Variants in STRN observed in about 807,000 individuals in gnomAD.
STRN encodes the protein striatin, also known as protein phosphatase 2 regulatory subunit B'''alpha.
A neutral mutation model predicts 96.3 loss-of-function variants in STRN; 53 were observed. The ratio of observed to expected loss-of-function variants is 0.55; its 90% confidence interval spans 0.44 to 0.69. STRN has a LOEUF of 0.69. STRN is among the 30% of genes least tolerant of loss of function. The pLI is 0.00. For synonymous variants in STRN, 428 were observed against 355.9 expected, an observed-to-expected ratio of 1.20 and a Z score of -2.28; for missense variants, 987 against 963.9, an observed-to-expected ratio of 1.02 and a Z score of -0.32.
At chr2:36,850,915 A>T (rs956119382) in intron 16 of STRN, 85 bp downstream of exon 16, 2 of 1,078,010 alleles carry the variant, frequency 1.9e-6, no homozygotes, top group Admixed American at 4.8e-5. Flanking sequence ...CTACGAAACC[A>T]CCAAGAGACA....
chr2:36,897,628 A>G (rs1365436459), intron 6 of STRN, among the ~76,000 whole-genome samples: 4 of 151,744 alleles, frequency 2.6e-5, no homozygotes, highest in Non-Finnish European at 5.9e-5. Flanking sequence ...TAGTAGAGAC[A>G]GGGTTTCACC....
At chr2:36,948,667 G>A (rs562256921) in intron 1 of STRN, among the ~76,000 whole-genome samples, 2 of 152,224 alleles carry the variant, frequency 1.3e-5, no homozygotes, top group South Asian at 2.1e-4. Flanking sequence ...TGTAGTAGAC[G>A]CTCAATAAAT....
chr2:36,964,221 C>T (rs1288234164), intron 1 of STRN, among the ~76,000 whole-genome samples: 1 of 145,318 alleles, frequency 6.9e-6, no homozygotes, highest in African/African-American at 2.6e-5. Flanking sequence ...CCAACTTCTA[C>T]AGGTAGAAAG....
At chr2:36,852,688 T>A (rs956184226) in intron 15 of STRN, among the ~76,000 whole-genome samples, 6 of 152,196 alleles carry the variant, frequency 3.9e-5, no homozygotes, top group Non-Finnish European at 7.3e-5. Context: ...GTTTAAAAAA[T>A]TTTTTGAACC....
intron 1 of STRN, among the ~76,000 whole-genome samples, chr2:36,946,965 G>T (rs980929147): frequency 7.9e-5 from 12 of 151,402 alleles, no homozygotes; most frequent in Non-Finnish European, 1.5e-4. Context: ...GTGAGATTTC[G>T]GCTCACTGCA....
chr2:36,897,757 G>A (rs1255822403), intron 6 of STRN, among the ~76,000 whole-genome samples: 1 of 152,020 alleles, frequency 6.6e-6, no homozygotes, highest in African/African-American at 2.4e-5. Context: ...AAATTTTTGA[G>A]TGCAGTAGCA....
rs58278911 is a variant in STRN at position 36,845,915 on chromosome 2, G to GCACACACACACA, written c.*3529_*3540dup. 19 of 82,916 alleles carry GCACACACACACA rather than the reference G, an allele frequency of 2.3e-4. No individual in the cohort carries two copies. Among genetic ancestry groups the GCACACACACACA allele is most frequent in the African/African-American group, 8.6e-4 (18 of 20,906 alleles). 5.1% of individuals were successfully genotyped at this position (82,916 alleles called of 1,614,324 possible). ...CACACACACACACACACGCATGCAT[G>GCACACACACACA]CACACACACACACACACACACACAC... is the stretch of plus-strand genomic sequence containing the variant. On this transcript the variant is annotated 3_prime_UTR_variant, in exon 18 of 18. Transcript: ENST00000263918.
At position 36,851,126 on chromosome 2, in the gene STRN, A is replaced by G; in HGVS notation, c.1979-19T>C. 1 of 1,563,526 alleles carries G rather than the reference A, an allele frequency of 6.4e-7. No homozygotes were observed. The highest frequency in any genetic ancestry group is 8.8e-7 in the Non-Finnish European group (1 of 1,136,458). ...TTGGCTGCTAAAAAGAAAAAATTAA[A>G]AAGCAACACAACTTAGTCAAAGATA... On this transcript the variant is annotated intron_variant, in intron 15 of 17. Coordinates refer to ENST00000263918, the MANE Select transcript of STRN (RefSeq NM_003162.4).
chr2:36,907,353 G>C (rs1382074221), intron 3 of STRN, among the ~76,000 whole-genome samples: 2 of 152,154 alleles, frequency 1.3e-5, no homozygotes, highest in African/African-American at 4.8e-5. Context: ...ACAGACACCA[G>C]CCTGGCTAAC....
At chr2:36,937,071 C>T (rs1165765000) in intron 1 of STRN, among the ~76,000 whole-genome samples, 1 of 152,096 alleles carries the variant, frequency 6.6e-6, no homozygotes, top group Non-Finnish European at 1.5e-5. Flanking sequence ...GGGCCGGAAA[C>T]GGTGGCTCAT....
rs553351693 is a variant in STRN at position 36,948,081 on chromosome 2, C to CTTTTTTTTT, written c.234+18140_234+18148dup. On this transcript the variant is annotated intron_variant, in intron 1 of 17. Coordinates refer to ENST00000263918, the MANE Select transcript of STRN (RefSeq NM_003162.4). The stretch of plus-strand genomic sequence containing the variant: ...TCTCCTCTATAATTATCAGTGCACT[C>CTTTTTTTTT]TTTTTTTTTTTTTTTTTTTTTTTTT... Among the ~76,000 whole-genome samples, 49 of 68,136 alleles carry CTTTTTTTTT rather than the reference C, an allele frequency of 7.2e-4. 17 individuals are homozygous for CTTTTTTTTT. The highest frequency in any genetic ancestry group is 1.3e-3 in the African/African-American group (20 of 15,884). The allele number at this position is 68,136 out of a possible 152,430, so 44.7% of individuals were successfully genotyped here.
intron 1 of STRN, among the ~76,000 whole-genome samples, chr2:36,939,251 C>T (rs1572689293): frequency 6.6e-6 from 1 of 151,824 alleles, no homozygotes. Context: ...TTTAATCAAG[C>T]TATTGCGTGG....
intron 10 of STRN, among the ~76,000 whole-genome samples, chr2:36,871,783 T>G (rs529689912): frequency 3.3e-4 from 50 of 152,282 alleles, no homozygotes; most frequent in African/African-American, 1.2e-3. Context: ...AAAGAGAAGT[T>G]AAGTGACTTG....
intron 3 of STRN, among the ~76,000 whole-genome samples, chr2:36,914,477 A>G (rs747323699): frequency 5.3e-5 from 8 of 152,216 alleles, no homozygotes; most frequent in Non-Finnish European, 1.2e-4. Context: ...TTGAAATTTA[A>G]GCACATCTCA....
At position 36,842,960 on chromosome 2, in the gene STRN, C is replaced by T. The variant is rs576200611; in HGVS notation, c.*6496G>A. On this transcript the variant is annotated 3_prime_UTR_variant, in exon 18 of 18. Coordinates refer to ENST00000263918, the MANE Select transcript of STRN (RefSeq NM_003162.4). Reference sequence around the variant, plus strand: ...TTATGTGCCAGGACAATGCTGGGGCCCTGCAAAACATCAGTGATCTTGGGA... The same window carrying T: ...TTATGTGCCAGGACAATGCTGGGGCTCTGCAAAACATCAGTGATCTTGGGA... Among the ~76,000 whole-genome samples, 4 of 152,094 alleles carry T rather than the reference C, an allele frequency of 2.6e-5. No homozygotes were observed. In the South Asian group the frequency reaches 6.2e-4, roughly 24 times the overall value.
chr2:36,936,592 TG>T (rs1670707634), intron 1 of STRN, among the ~76,000 whole-genome samples: 1 of 152,186 alleles, frequency 6.6e-6, no homozygotes, highest in Non-Finnish European at 1.5e-5. Context: ...ACTACATGTA[TG>T]TAAGTGACTA....
chr2:36,854,095 G>A (rs144143448), intron 15 of STRN, among the ~76,000 whole-genome samples: 144 of 152,162 alleles, frequency 9.5e-4, no homozygotes, highest in African/African-American at 3.2e-3. Context: ...TTATTAACCT[G>A]CAGTCATTAA....
chr2:36,902,710 A>C lies in STRN; in HGVS notation c.533T>G (p.Val178Gly), dbSNP rs1393241491. The change falls in exon 5 of 18, where the codon GTG becomes GGG. Residue 178 changes from valine to glycine, a missense_variant. Val to Gly is a moderately radical substitution (Grantham distance 109, BLOSUM62 -3). Coordinates refer to ENST00000263918, the MANE Select transcript of STRN (RefSeq NM_003162.4). ...CAAAGCTCGCACTCGTTTAGATTTC[A>C]CATCTAGAATAGTATCTGTATAACC... Reference protein sequence around the residue: ...EVGYTDTILDVKSKRVRALLG... With the variant: ...EVGYTDTILDGKSKRVRALLG... 1 of 1,610,710 alleles carries C rather than the reference A, an allele frequency of 6.2e-7. No individual in the cohort carries two copies.
At chr2:36,921,693 A>AT (rs961039519) in intron 2 of STRN, among the ~76,000 whole-genome samples, 66 of 120,514 alleles carry the variant, frequency 5.5e-4, no homozygotes, top group Middle Eastern at 4.0e-3. Context: ...TCTACTTAAA[A>AT]TTTTTTTTTT....
Sources: allele counts gnomAD v4.1 joint callset (sites outside exome capture counted in the v4.1 genomes callset), GRCh38; gene constraint gnomAD v4.1.1; transcripts MANE v1.5; gene names NCBI Gene and HGNC (gene_info 2026-07-23, HGNC 2026-07-21).